The following CDV3 variants were observed in gnomAD, a reference collection of about 807,000 sequenced individuals.
CDV3 encodes the protein protein CDV3 homolog.
A neutral mutation model predicts 24.5 loss-of-function variants in CDV3; 14 were observed. The ratio of observed to expected loss-of-function variants is 0.57; its 90% CI spans 0.38 to 0.89. The LOEUF is 0.89. Among genes scored for constraint, CDV3 ranks in the 40% least tolerant of loss-of-function variants. The pLI, the probability that CDV3 is intolerant of heterozygous loss-of-function variation, is 0.00. For synonymous variants in CDV3, 114 were observed against 114.1 expected (o/e 1.00, Z 0.00); for missense variants, 304 against 310.2 (o/e 0.98, Z 0.15).
At chr3:133,575,165 G>T (rs1284771058) in intron 2 of CDV3, 50 bp downstream of exon 2, 2 of 1,001,072 alleles carry the variant, frequency 2.0e-6, no homozygotes, top group South Asian at 2.6e-5. Flanking sequence ...ATAGATATTG[G>T]ATACAAGTTA....
chr3:133,584,591 T>C (rs1933389873), intron 3 of CDV3, among the ~76,000 whole-genome samples: 1 of 152,130 alleles, frequency 6.6e-6, no homozygotes, highest in African/African-American at 2.4e-5. Context: ...AGAGAGAAAA[T>C]TCCTAAAGCT....
In CDV3 at chr3:133,586,617, C is replaced by T; in HGVS notation, c.521C>T (p.Ala174Val). 6.3e-7 allele frequency: 1 copy of T among 1,595,712 alleles called. No homozygotes were observed. The highest frequency in any genetic ancestry group is 1.1e-5 in the South Asian group (1 of 90,700). The change falls in exon 4 of 5, where the codon GCC becomes GTC. Residue 174 changes from alanine (A) to valine (V), a missense_variant. Ala to Val is a moderately conservative substitution (Grantham distance 64). This residue lies in a region of CDV3 where 29 missense variants were observed against 55.8 expected (regional missense o/e 0.52). Coordinates refer to ENST00000264993, the MANE Select transcript of CDV3 (RefSeq NM_017548.5). Reference protein sequence around the residue: ...MTSGVYRPPGARLTTTRKTPQ... With the variant: ...MTSGVYRPPGVRLTTTRKTPQ... ...AGTGGTGTGTATAGGCCTCCTGGGGCCAGGTTAACCACAACAAGGAAAACA... is the reference window on the plus strand; with the variant it reads ...AGTGGTGTGTATAGGCCTCCTGGGGTCAGGTTAACCACAACAAGGAAAACA...
At chr3:133,584,186 AT>A in intron 3 of CDV3, 36 bp downstream of exon 3, 1 of 1,500,516 alleles carries the variant, frequency 6.7e-7, no homozygotes, top group Non-Finnish European at 9.2e-7. Context: ...AAGATGTCTA[AT>A]TTATATATGA....
chr3:133,589,236 T>G lies in CDV3; in HGVS notation c.*1190T>G, dbSNP rs1212974630. ...TCTTTGATAAGAATTCCTCATGTAC[T>G]TGTGCCTAGTTTTTCAAGGTATTGG... is the stretch of plus-strand genomic sequence containing the variant. On this transcript the variant is annotated 3_prime_UTR_variant, in exon 5 of 5. Transcript: ENST00000264993. The G allele has an allele frequency of 6.5e-6, 1 of 152,676 alleles. No homozygotes were observed. The highest frequency in any genetic ancestry group is 2.4e-5 in the African/African-American group (1 of 41,470). The allele number at this position is 152,676 out of a possible 1,614,324, so 9.5% of individuals were successfully genotyped here.
chr3:133,582,858 G>A (rs1246867568), intron 2 of CDV3, among the ~76,000 whole-genome samples: 1 of 152,168 alleles, frequency 6.6e-6, no homozygotes. Context: ...CAAAAAGGAC[G>A]TTCGATTTAG....
At chr3:133,577,515 C>T (rs1312405046) in intron 2 of CDV3, among the ~76,000 whole-genome samples, 1 of 152,100 alleles carries the variant, frequency 6.6e-6, no homozygotes, top group East Asian at 1.9e-4. Flanking sequence ...CATGTGTCAC[C>T]ACGCCTGGCT....
chr3:133,581,689 ATTGC>A (rs1933040254), intron 2 of CDV3, among the ~76,000 whole-genome samples: 1 of 152,196 alleles, frequency 6.6e-6, no homozygotes, highest in South Asian at 2.1e-4. Context: ...TCTGCTCCTA[ATTGC>A]TTGCTGCATG....
intron 2 of CDV3, among the ~76,000 whole-genome samples, chr3:133,578,055 TC>T (rs1199573502): frequency 6.6e-6 from 1 of 152,132 alleles, no homozygotes; most frequent in African/African-American, 2.4e-5. Context: ...AGTGGCATGA[TC>T]ATAGCTCATT....
chr3:133,587,859 G>T (rs745662704), intron 4 of CDV3, 37 bp from the exon 5 acceptor site: 11 of 1,556,606 alleles, frequency 7.1e-6, no homozygotes, highest in South Asian at 1.2e-5. Flanking sequence ...CCCTAGTGAA[G>T]AAGAAATATT....
chr3:133,584,617 AT>A (rs1011025220), intron 3 of CDV3, among the ~76,000 whole-genome samples: 2 of 152,140 alleles, frequency 1.3e-5, no homozygotes, highest in Non-Finnish European at 2.9e-5. Context: ...CATTTAAAAT[AT>A]TTTTGACAGC....
intron 2 of CDV3, among the ~76,000 whole-genome samples, chr3:133,576,841 C>CTTGTTTTTTTTTTTTT (rs2074827156): frequency 1.6e-5 from 1 of 62,382 alleles, no homozygotes; most frequent in Non-Finnish European, 2.8e-5. Context: ...GGTAGACTAG[C>CTTGTTTTTTTTTTTTT]TTTTTTTTTT....
chr3:133,578,331 A>G (rs1222884560), intron 2 of CDV3, among the ~76,000 whole-genome samples: 2 of 152,230 alleles, frequency 1.3e-5, no homozygotes, highest in Non-Finnish European at 2.9e-5. Flanking sequence ...TCTTGAAGGT[A>G]TACACTGTTG....
chr3:133,587,853 A>G, intron 4 of CDV3, 43 bp from the exon 5 acceptor site: 1 of 1,550,298 alleles, frequency 6.5e-7, no homozygotes, highest in Non-Finnish European at 8.7e-7. Context: ...CAAAAACCCT[A>G]GTGAAGAAGA....
intron 2 of CDV3, among the ~76,000 whole-genome samples, chr3:133,577,102 T>C (rs1343083573): frequency 6.6e-6 from 1 of 151,994 alleles, no homozygotes; most frequent in African/African-American, 2.4e-5. Flanking sequence ...CGCCTCAGCC[T>C]CCCAAAGTGC....
intron 3 of CDV3, among the ~76,000 whole-genome samples, chr3:133,585,683 A>G (rs1158743385): frequency 6.6e-6 from 1 of 150,742 alleles, no homozygotes; most frequent in Non-Finnish European, 1.5e-5. Flanking sequence ...TTTAGTAGAG[A>G]CGGGGTTTCA....
chr3:133,587,592 A>G, intron 4 of CDV3: 6 of 1,124,086 alleles, frequency 5.3e-6, no homozygotes, highest in Non-Finnish European at 6.5e-6. Flanking sequence ...TGCTAAAAGT[A>G]AGAGTCTTAG....
chr3:133,585,054 T>TG (rs1933443889), intron 3 of CDV3, among the ~76,000 whole-genome samples: 1 of 152,150 alleles, frequency 6.6e-6, no homozygotes, highest in Admixed American at 6.5e-5. Flanking sequence ...CTATGTTAAA[T>TG]TTTTATTTTT....
rs1933927699 is a variant in CDV3, at chr3:133,589,636, G to GT, written c.*1591dup. 1 of 152,660 alleles carries GT rather than the reference G, an allele frequency of 6.6e-6. No homozygotes were observed. Among genetic ancestry groups the GT allele is most frequent in the Non-Finnish European group, 1.5e-5 (1 of 68,040 alleles). 9.5% of individuals were successfully genotyped at this position (152,660 alleles called of 1,614,324 possible). A position where few individuals can be genotyped will look rare whatever the true frequency, so the allele number is the denominator to read the frequency against. ...TGGCAAGAGTGAAGCAAGTGGGTGA[G>GT]TAAAACTATTTTGACGTGGGAGCGT... On this transcript the variant is annotated 3_prime_UTR_variant, in exon 5 of 5. Coordinates refer to ENST00000264993, the MANE Select transcript of CDV3 (RefSeq NM_017548.5).
intron 1 of CDV3, 48 bp downstream of exon 1, chr3:133,574,332 G>A: frequency 2.2e-6 from 2 of 912,880 alleles, no homozygotes; most frequent in African/African-American, 1.8e-5. Context: ...GCGCGCCGGC[G>A]CCCCATGTGC....
Sources: gnomAD v4.1 joint callset for allele counts (sites outside exome capture counted in the v4.1 genomes callset) on GRCh38, gnomAD v4.1.1 for gene constraint, gnomAD v4.1.1 regional missense constraint, MANE v1.5 for transcripts, NCBI Gene and HGNC (gene_info 2026-07-23, HGNC 2026-07-21) for gene names.